Variants in LARGE1 observed in about 807,000 individuals in gnomAD.
The protein encoded by LARGE1 is LARGE xylosyl- and glucuronyltransferase 1, also known as xylosyl- and glucuronyltransferase LARGE1.
A neutral mutation model predicts 87.6 loss-of-function variants in LARGE1; 43 were observed. The ratio of observed to expected loss-of-function variants is 0.49; its 90% confidence interval spans 0.38 to 0.63. The LOEUF (loss-of-function observed/expected upper bound fraction) is 0.63, where lower values mean the gene tolerates loss of function less well. Ranked by LOEUF, LARGE1 falls within the 30% of genes least tolerant of loss-of-function variation. LARGE1 has a pLI of 0.00. For synonymous variants in LARGE1, 434 were observed against 394.6 expected (o/e 1.10, Z -1.18); for missense variants, 802 against 1,000.2 (o/e 0.80, Z 2.67).
intron 6 of LARGE1, among the ~76,000 whole-genome samples, chr22:33,520,412 T>TG (rs1364548525): frequency 6.6e-6 from 1 of 152,124 alleles, no homozygotes; most frequent in Non-Finnish European, 1.5e-5. Flanking sequence ...CTGAGATTCA[T>TG]GGGGGTGGCT....
At chr22:33,166,941 T>G in intron 11 of LARGE1, 1 of 438,432 alleles carries the variant, frequency 2.3e-6, no homozygotes, top group South Asian at 1.7e-5. Flanking sequence ...ATTCCTCAAG[T>G]GGGTCTAAAT....
intron 12 of LARGE1, among the ~76,000 whole-genome samples, chr22:33,297,499 G>T (rs1933460440): frequency 6.6e-6 from 1 of 151,624 alleles, no homozygotes; most frequent in African/African-American, 2.4e-5. Flanking sequence ...TATAATCCCA[G>T]CTACTTGGGA....
At chr22:33,265,209 C>G (rs1439769389) in intron 11 of LARGE1, among the ~76,000 whole-genome samples, 2 of 152,036 alleles carry the variant, frequency 1.3e-5, no homozygotes, top group African/African-American at 4.8e-5. Context: ...CTGGCCTGAT[C>G]AAATTCTTTA....
intron 1 of LARGE1, among the ~76,000 whole-genome samples, chr22:33,792,423 C>T (rs965318824): frequency 6.6e-6 from 1 of 152,156 alleles, no homozygotes; most frequent in Non-Finnish European, 1.5e-5. Context: ...TGTAAGTTTC[C>T]TGAGGCCTCC....
chr22:33,788,457 G>A (rs1324426174), intron 1 of LARGE1, among the ~76,000 whole-genome samples: 1 of 152,214 alleles, frequency 6.6e-6, no homozygotes, highest in Non-Finnish European at 1.5e-5. Flanking sequence ...CCCAAAAAAT[G>A]TGGAAGGAAC....
chr22:33,719,531 A>ATTTATTTATTTT (rs1202304747), intron 2 of LARGE1, among the ~76,000 whole-genome samples: 116 of 149,814 alleles, frequency 7.7e-4, no homozygotes, highest in African/African-American at 2.7e-3. Flanking sequence ...TTATTTATTT[A>ATTTATTTATTTT]TTTTTTTGAG....
At chr22:33,095,054 C>T in the LARGE1 span, among the ~76,000 whole-genome samples, 1 of 152,332 alleles carries the variant, frequency 6.6e-6, no homozygotes, top group South Asian at 2.1e-4. Flanking sequence ...CATTGCATTG[C>T]ACTTTGCATT....
At chr22:33,859,867 C>T (rs956718239) in intron 1 of LARGE1, among the ~76,000 whole-genome samples, 5 of 152,266 alleles carry the variant, frequency 3.3e-5, no homozygotes, top group East Asian at 3.9e-4. Context: ...AAGTGAAATA[C>T]GCCAGTCACA....
intron 6 of LARGE1, among the ~76,000 whole-genome samples, chr22:33,520,568 C>G (rs919594095): frequency 6.6e-6 from 1 of 152,248 alleles, no homozygotes; most frequent in African/African-American, 2.4e-5. Flanking sequence ...CCTGCCCCCA[C>G]TGCCCACCTG....
chr22:33,667,586 A>G (rs754201352), intron 2 of LARGE1, among the ~76,000 whole-genome samples: 24 of 152,254 alleles, frequency 1.6e-4, no homozygotes, highest in Non-Finnish European at 1.9e-4. Context: ...TACTTAAAAC[A>G]TTCGAAAGAC....
intron 6 of LARGE1, among the ~76,000 whole-genome samples, chr22:33,507,095 TA>T (rs2070803343): frequency 6.6e-6 from 1 of 152,074 alleles, no homozygotes; most frequent in African/African-American, 2.4e-5. Flanking sequence ...GTGATCCAAG[TA>T]AACACCCCCC....
chr22:33,342,249 T>C (rs78217118), intron 9 of LARGE1, among the ~76,000 whole-genome samples: 1,751 of 152,278 alleles, frequency 0.011, 39 homozygotes, highest in African/African-American at 0.039. Context: ...GGAAGGTTGA[T>C]GGATGTGGAT....
chr22:33,838,379 C>G (rs2063171300), intron 1 of LARGE1, among the ~76,000 whole-genome samples: 1 of 152,156 alleles, frequency 6.6e-6, no homozygotes, highest in Admixed American at 6.5e-5. Flanking sequence ...TGGCTCATGC[C>G]TGTATTCCCA....
intron 1 of LARGE1, among the ~76,000 whole-genome samples, chr22:33,916,801 A>G (rs1050733405): frequency 1.3e-5 from 2 of 152,182 alleles, no homozygotes; most frequent in Non-Finnish European, 2.9e-5. Flanking sequence ...ATAAGACTTC[A>G]TTCATGTCTC....
chr22:33,878,129 C>CTTTTTTTTTTTTTTTTTTTTTTTTA (rs2064535576), intron 1 of LARGE1, among the ~76,000 whole-genome samples: 1 of 44,652 alleles, frequency 2.2e-5, no homozygotes, highest in Non-Finnish European at 5.1e-5. Flanking sequence ...TATTGTATTT[C>CTTTTTTTTTTTTTTTTTTTTTTTTA]TTTTTTTTTT....
At chr22:33,731,304 G>A (rs563687840) in intron 2 of LARGE1, among the ~76,000 whole-genome samples, 2 of 152,062 alleles carry the variant, frequency 1.3e-5, no homozygotes, top group Admixed American at 6.5e-5. Flanking sequence ...CACCCAGCCC[G>A]GCCTGCATTT....
At chr22:33,609,067 C>T (rs1429273459) in intron 4 of LARGE1, among the ~76,000 whole-genome samples, 2 of 152,046 alleles carry the variant, frequency 1.3e-5, no homozygotes, top group Non-Finnish European at 2.9e-5. Flanking sequence ...TTAGTTCTTC[C>T]AAGCACAGAC....
intron 9 of LARGE1, among the ~76,000 whole-genome samples, chr22:33,355,160 A>G (rs1940773502): frequency 6.6e-6 from 1 of 152,094 alleles, no homozygotes; most frequent in Non-Finnish European, 1.5e-5. Flanking sequence ...TCTCCTTGTT[A>G]TTTCTGGACA....
intron 1 of LARGE1, among the ~76,000 whole-genome samples, chr22:33,913,237 G>A (rs1423945612): frequency 6.6e-6 from 1 of 152,178 alleles, no homozygotes; most frequent in Admixed American, 6.5e-5. Context: ...CAGAATCCTG[G>A]AAACTCTTAC....
Sources: allele counts gnomAD v4.1 joint callset (sites outside exome capture counted in the v4.1 genomes callset), GRCh38; gene constraint gnomAD v4.1.1; transcripts MANE v1.5; gene names NCBI Gene and HGNC (gene_info 2026-07-23, HGNC 2026-07-21).